TM9SF3: variants seen among roughly 807,000 people sequenced by gnomAD.
TM9SF3 encodes transmembrane 9 superfamily member 3.
A neutral mutation model predicts 78.6 loss-of-function variants in TM9SF3; 14 were observed. That is an observed-to-expected ratio of 0.18 (90% CI 0.12 to 0.28). The LOEUF (loss-of-function observed/expected upper bound fraction) is 0.28, where lower values mean the gene tolerates loss of function less well. Ranked by LOEUF, TM9SF3 falls within the 10% of genes least tolerant of loss-of-function variation. TM9SF3 has a pLI of 1.00. For missense variants in TM9SF3, 496 were observed against 721.9 expected, an observed-to-expected ratio of 0.69 and a Z score of 3.59; for synonymous variants, 231 against 241.7, an observed-to-expected ratio of 0.96 and a Z score of 0.41.
At chr10:96,552,790 CATCTTTCTT>C in intron 6 of TM9SF3, 129 bp downstream of exon 6, 1 of 783,926 alleles carries the variant, frequency 1.3e-6, no homozygotes, top group Non-Finnish European at 1.8e-6. Flanking sequence ...GGGCATTTTA[CATCTTTCTT>C]AACTCTAAAA....
intron 14 of TM9SF3, 86 bp from the exon 15 acceptor site, chr10:96,522,416 G>T: frequency 9.5e-7 from 1 of 1,051,320 alleles, no homozygotes; most frequent in South Asian, 1.7e-5. Context: ...CTATGCTCTG[G>T]AAAGTTATTC....
At chr10:96,567,084 C>CTTTTT (rs5787198) in intron 2 of TM9SF3, among the ~76,000 whole-genome samples, 7 of 124,844 alleles carry the variant, frequency 5.6e-5, no homozygotes, top group South Asian at 2.5e-4. Context: ...TGTATAAAGC[C>CTTTTT]TTTTTTTTTT....
intron 9 of TM9SF3, among the ~76,000 whole-genome samples, chr10:96,537,150 C>T (rs1215142397): frequency 6.6e-6 from 1 of 152,192 alleles, no homozygotes; most frequent in Non-Finnish European, 1.5e-5. Context: ...CACCCCAAAC[C>T]TCATATTGTT....
chr10:96,565,347 AT>A lies in TM9SF3; in HGVS notation c.377del (p.Asn126IlefsTer9). The A allele has an allele frequency of 6.4e-7, 1 of 1,567,476 alleles. No individual in the cohort carries two copies. The highest frequency in any genetic ancestry group is 2.1e-5 in the Admixed American group (1 of 46,636). On this transcript the variant is annotated frameshift_variant, in exon 3 of 15. Coordinates refer to ENST00000371142, the MANE Select transcript of TM9SF3 (RefSeq NM_020123.4). LOFTEE classifies it high-confidence loss of function. Reference sequence around the variant, plus strand: ...CTATGTACATCTGGTACCAGTAATGATTTTTTATGGCATATACAAATGCATC... The same window carrying A: ...CTATGTACATCTGGTACCAGTAATGATTTTTATGGCATATACAAATGCATC... ...KRDAFVYAIK[N>X]HYWYQMYIDD...
At position 96,519,720 on chromosome 10, in the gene TM9SF3, T is replaced by C. The variant is rs1847741010; in HGVS notation, c.*2543A>G. ...AACTTGAATAATGTTCTATTTTCTA[T>C]TCTACAACTGAGCGCTAGGGAGCTA... On this transcript the variant is annotated 3_prime_UTR_variant, in exon 15 of 15. Coordinates refer to ENST00000371142, the MANE Select transcript of TM9SF3 (RefSeq NM_020123.4). 1 of 151,972 alleles carries C rather than the reference T, an allele frequency of 6.6e-6. No homozygotes were observed. The highest frequency in any genetic ancestry group is 6.6e-5 in the Admixed American group (1 of 15,254). 9.4% of individuals were successfully genotyped at this position (151,972 alleles called of 1,614,324 possible).
chr10:96,565,620 T>C (rs986207492), intron 2 of TM9SF3, among the ~76,000 whole-genome samples, 194 bp from the exon 3 acceptor site: 1 of 152,072 alleles, frequency 6.6e-6, no homozygotes, highest in Non-Finnish European at 1.5e-5. Context: ...AGACTTTTTA[T>C]AATGAAAAAA....
At chr10:96,563,015 A>G (rs1038046176) in intron 3 of TM9SF3, among the ~76,000 whole-genome samples, 2 of 152,066 alleles carry the variant, frequency 1.3e-5, no homozygotes, top group African/African-American at 2.4e-5. Context: ...AATTGGTACA[A>G]ATTCAAGGAG....
chr10:96,560,158 T>A, intron 4 of TM9SF3: 1 of 782,158 alleles, frequency 1.3e-6, no homozygotes, highest in Non-Finnish European at 2.3e-6. Context: ...CTGCCTTCTT[T>A]CCCACCTAAA....
chr10:96,552,449 T>A (rs964244127), intron 6 of TM9SF3, among the ~76,000 whole-genome samples: 1 of 152,156 alleles, frequency 6.6e-6, no homozygotes, highest in African/African-American at 2.4e-5. Context: ...TTTCCTAAAT[T>A]TATTTAATGA....
intron 1 of TM9SF3, among the ~76,000 whole-genome samples, chr10:96,581,798 T>C (rs1018605): frequency 0.59 from 89,288 of 152,128 alleles, 27,912 homozygotes; most frequent in East Asian, 0.83. Context: ...CGTGATATAA[T>C]ACAAATTATT....
At chr10:96,545,674 G>C (rs1322279558) in intron 8 of TM9SF3, among the ~76,000 whole-genome samples, 1 of 152,218 alleles carries the variant, frequency 6.6e-6, no homozygotes, top group African/African-American at 2.4e-5. Flanking sequence ...CAGATCACCT[G>C]AAGTCAGGAG....
chr10:96,575,156 T>TA (rs1217145784), intron 2 of TM9SF3, among the ~76,000 whole-genome samples: 1 of 152,142 alleles, frequency 6.6e-6, no homozygotes, highest in Non-Finnish European at 1.5e-5. Context: ...CTGTACACAG[T>TA]AGCAAAGTAG....
chr10:96,553,139 G>T, intron 5 of TM9SF3, 80 bp from the exon 6 acceptor site: 2 of 1,344,776 alleles, frequency 1.5e-6, no homozygotes, highest in Non-Finnish European at 2.0e-6. Flanking sequence ...ACAACCGGAT[G>T]TTAATGCAAA....
intron 2 of TM9SF3, among the ~76,000 whole-genome samples, chr10:96,571,870 G>C (rs1848439785): frequency 6.6e-6 from 1 of 152,194 alleles, no homozygotes; most frequent in East Asian, 1.9e-4. Flanking sequence ...TCAAATGGGG[G>C]AAGGGGAAGG....
chr10:96,540,222 G>C (rs1848005823), intron 9 of TM9SF3, among the ~76,000 whole-genome samples: 1 of 152,048 alleles, frequency 6.6e-6, no homozygotes, highest in Admixed American at 6.6e-5. Context: ...ATCATCTTTT[G>C]AATAGGTCAG....
intron 5 of TM9SF3, among the ~76,000 whole-genome samples, chr10:96,557,596 A>G (rs1245864803): frequency 6.6e-6 from 1 of 152,022 alleles, no homozygotes; most frequent in African/African-American, 2.4e-5. Flanking sequence ...CAGTCCTTAA[A>G]ATGACCATGG....
At chr10:96,569,272 T>C (rs1564938692) in intron 2 of TM9SF3, among the ~76,000 whole-genome samples, 1 of 152,192 alleles carries the variant, frequency 6.6e-6, no homozygotes, top group Non-Finnish European at 1.5e-5. Flanking sequence ...AAAGTGATCT[T>C]TCCCTTGCCC....
At chr10:96,580,646 C>T (rs905946376) in intron 1 of TM9SF3, among the ~76,000 whole-genome samples, 3 of 152,070 alleles carry the variant, frequency 2.0e-5, no homozygotes, top group African/African-American at 7.2e-5. Context: ...ATAATCCTTC[C>T]GAAATGCTCA....
intron 3 of TM9SF3, 29 bp from the exon 4 acceptor site, chr10:96,562,167 G>A: frequency 6.7e-7 from 1 of 1,499,750 alleles, no homozygotes; most frequent in African/African-American, 1.4e-5. Flanking sequence ...TTTATACAAG[G>A]TAAAACCACT....
Sources: allele counts gnomAD v4.1 joint callset (sites outside exome capture counted in the v4.1 genomes callset), GRCh38; gene constraint gnomAD v4.1.1; transcripts MANE v1.5; gene names NCBI Gene and HGNC (gene_info 2026-07-23, HGNC 2026-07-21).